The following UNC5D variants were observed in gnomAD, a reference collection of about 807,000 sequenced individuals.
UNC5D encodes the protein unc-5 netrin receptor D.
A neutral mutation model predicts 105.4 loss-of-function variants in UNC5D; 39 were observed. That is an observed-to-expected ratio of 0.37 (90% CI 0.29 to 0.48). The LOEUF (loss-of-function observed/expected upper bound fraction) is 0.48. Among genes scored for constraint, UNC5D ranks in the 20% least tolerant of loss-of-function variants. UNC5D has a pLI of 0.98. For missense variants in UNC5D, 991 were observed against 1,202.4 expected (o/e 0.82, Z 2.60); for synonymous variants, 452 against 450.4 (o/e 1.00, Z -0.04).
At chr8:35,757,194 T>A (rs910805437) in intron 13 of UNC5D, among the ~76,000 whole-genome samples, 4 of 152,262 alleles carry the variant, frequency 2.6e-5, no homozygotes, top group African/African-American at 9.6e-5. Context: ...TGGTACTCTT[T>A]TGAGTGCATG....
intron 1 of UNC5D, among the ~76,000 whole-genome samples, chr8:35,296,472 T>G (rs1807496035): frequency 6.6e-6 from 1 of 152,168 alleles, no homozygotes. Context: ...CAGGCTGGAG[T>G]GCAGTGGCAC....
intron 16 of UNC5D, among the ~76,000 whole-genome samples, chr8:35,786,805 AAGAC>A (rs1277528829): frequency 6.6e-6 from 1 of 152,194 alleles, no homozygotes; most frequent in Non-Finnish European, 1.5e-5. Flanking sequence ...TTTAGGTTAC[AAGAC>A]AGACAGCAGA....
chr8:35,469,180 TCTC>T (rs1238921186), intron 1 of UNC5D, among the ~76,000 whole-genome samples: 3 of 152,140 alleles, frequency 2.0e-5, no homozygotes, highest in Non-Finnish European at 2.9e-5. Context: ...GGTAAAAACT[TCTC>T]CTTATCAGGA....
chr8:35,641,032 A>G (rs1822678149), intron 4 of UNC5D, among the ~76,000 whole-genome samples: 1 of 151,960 alleles, frequency 6.6e-6, no homozygotes, highest in Admixed American at 6.6e-5. Context: ...TTTTTTAGAG[A>G]TAAGAAATTC....
rs568451811 is a variant in UNC5D at position 35,487,541 on chromosome 8, A to G, written c.104-61751A>G. Among the ~76,000 whole-genome samples the G allele has an allele frequency of 3.4e-5, 5 of 147,608 alleles. No individual in the cohort carries two copies. The East Asian group carries it at 1.0e-3, about 29-fold the overall frequency. The stretch of plus-strand genomic sequence containing the variant: ...TACATGAGCCAATTCCTTAAAATCA[A>G]TCTCTCTGTCTCTCTCTCTCTCTGT... On this transcript the variant is annotated intron_variant, in intron 1 of 16. Coordinates refer to ENST00000404895, the MANE Select transcript of UNC5D (RefSeq NM_080872.4).
intron 15 of UNC5D, among the ~76,000 whole-genome samples, chr8:35,773,745 G>A (rs1183800502): frequency 1.3e-5 from 2 of 152,156 alleles, no homozygotes; most frequent in African/African-American, 2.4e-5. Context: ...TGTTTGAGGC[G>A]AAGTTTGGCT....
At chr8:35,452,742 T>C (rs1808240603) in intron 1 of UNC5D, among the ~76,000 whole-genome samples, 1 of 152,108 alleles carries the variant, frequency 6.6e-6, no homozygotes, top group Non-Finnish European at 1.5e-5. Flanking sequence ...AAGAAGGACA[T>C]TACATAGAAA....
chr8:35,735,079 C>A (rs1489660015), intron 11 of UNC5D, among the ~76,000 whole-genome samples: 19 of 152,074 alleles, frequency 1.2e-4, no homozygotes. Context: ...CGTGCCCAGC[C>A]TTTAGATCAT....
At chr8:35,456,642 G>A (rs905295875) in intron 1 of UNC5D, among the ~76,000 whole-genome samples, 11 of 152,142 alleles carry the variant, frequency 7.2e-5, no homozygotes, top group Admixed American at 2.0e-4. Context: ...AAGTACAAAC[G>A]TATTAGGTGA....
intron 1 of UNC5D, among the ~76,000 whole-genome samples, chr8:35,377,775 A>G (rs931109652): frequency 6.6e-6 from 1 of 152,182 alleles, no homozygotes; most frequent in Non-Finnish European, 1.5e-5. Flanking sequence ...GATTTAGGCA[A>G]AGGGTCATAT....
intron 4 of UNC5D, among the ~76,000 whole-genome samples, chr8:35,641,366 C>CAAAAAAAAAAAAAAAAAAAAAGA (rs377021599): frequency 6.8e-5 from 3 of 44,286 alleles, no homozygotes; most frequent in African/African-American, 8.5e-5. Flanking sequence ...AAAAATAAAG[C>CAAAAAAAAAAAAAAAAAAAAAGA]AAAAAAAAAA....
At position 35,792,021 on chromosome 8, in the gene UNC5D, A is replaced by C. The variant is rs1803067514; in HGVS notation, c.*1458A>C. On this transcript the variant is annotated 3_prime_UTR_variant, in exon 17 of 17. Transcript: ENST00000404895. ...TGGTGGATATTTTAACTTGCTATTC[A>C]CAATCAGGACAACCAAAGTCAAGGA... 1 of 152,112 alleles carries C rather than the reference A, an allele frequency of 6.6e-6. No homozygotes were observed. The highest frequency in any genetic ancestry group is 2.4e-5 in the African/African-American group (1 of 41,414). 9.4% of individuals were successfully genotyped at this position (152,112 alleles called of 1,614,324 possible).
chr8:35,377,535 T>G (rs1585702765), intron 1 of UNC5D, among the ~76,000 whole-genome samples: 1 of 152,192 alleles, frequency 6.6e-6, no homozygotes, highest in Non-Finnish European at 1.5e-5. Flanking sequence ...TCCAGCATGT[T>G]GACCTCAGCT....
rs186303589 is a variant in UNC5D, at chr8:35,587,631, T to C, written c.467-7923T>C. On this transcript the variant is annotated intron_variant, in intron 3 of 16. Coordinates refer to ENST00000404895, the MANE Select transcript of UNC5D (RefSeq NM_080872.4). ...AGAAGGGTATTTCAGAATTTGCAAT[T>C]CTGAAAAGTTTGAAGGATATGATCT... Among the ~76,000 whole-genome samples the C allele has an allele frequency of 6.1e-4, 93 of 152,258 alleles. 2 individuals are homozygous for C. Among genetic ancestry groups the C allele is most frequent in the Non-Finnish European group, 1.8e-4 (12 of 68,022 alleles).
At chr8:35,515,197 G>T (rs575158954) in intron 1 of UNC5D, among the ~76,000 whole-genome samples, 79 of 152,194 alleles carry the variant, frequency 5.2e-4, no homozygotes, top group Non-Finnish European at 8.7e-4. Flanking sequence ...CCTTACCAAA[G>T]ATCTGAATTA....
intron 4 of UNC5D, among the ~76,000 whole-genome samples, chr8:35,659,314 TATAG>T (rs1424439662): frequency 6.6e-6 from 1 of 152,152 alleles, no homozygotes; most frequent in Non-Finnish European, 1.5e-5. Flanking sequence ...GTTTAGACAA[TATAG>T]AAAGTAAAGT....
chr8:35,614,326 G>A (rs1010688102), intron 4 of UNC5D, among the ~76,000 whole-genome samples: 3 of 152,172 alleles, frequency 2.0e-5, no homozygotes, highest in Admixed American at 6.6e-5. Context: ...ATGAAATGAG[G>A]ATTTTATTTT....
chr8:35,251,523 G>A (rs1017493576), intron 1 of UNC5D, among the ~76,000 whole-genome samples: 2 of 152,134 alleles, frequency 1.3e-5, no homozygotes, highest in Non-Finnish European at 2.9e-5. Context: ...TTGAATGTTG[G>A]CACACAACGT....
chr8:35,591,848 T>C (rs1389520824), intron 3 of UNC5D, among the ~76,000 whole-genome samples: 1 of 152,158 alleles, frequency 6.6e-6, no homozygotes, highest in Admixed American at 6.5e-5. Context: ...AGCACACTAG[T>C]AGAGGACATT....
Sources: allele counts gnomAD v4.1 joint callset (sites outside exome capture counted in the v4.1 genomes callset), GRCh38; gene constraint gnomAD v4.1.1; transcripts MANE v1.5; gene names NCBI Gene and HGNC (gene_info 2026-07-23, HGNC 2026-07-21).